The following ARB2A variants were observed in gnomAD, a reference collection of about 807,000 sequenced individuals.
ARB2A encodes cotranscriptional regulator ARB2A.
the ARB2A span, chr5:93,740,997 C>G: frequency 6.2e-7 from 1 of 1,613,858 alleles, no homozygotes; most frequent in Non-Finnish European, 8.5e-7. Flanking sequence ...CTTCCACTTC[C>G]TTCAGCCACT....
At chr5:94,083,811 A>T in the ARB2A span, among the ~76,000 whole-genome samples, 1 of 151,972 alleles carries the variant, frequency 6.6e-6, no homozygotes, top group African/African-American at 2.4e-5. Context: ...AGAATCAAAA[A>T]ACAAGGTCCT....
chr5:93,656,247 AT>A, the ARB2A span, among the ~76,000 whole-genome samples: 1 of 152,200 alleles, frequency 6.6e-6, no homozygotes, highest in African/African-American at 2.4e-5. Flanking sequence ...GTTATGAAAA[AT>A]TTTAAAATTT....
the ARB2A span, among the ~76,000 whole-genome samples, chr5:94,071,224 CTAATA>C: frequency 6.6e-6 from 1 of 151,928 alleles, no homozygotes; most frequent in Non-Finnish European, 1.5e-5. Flanking sequence ...ACGAAACCTA[CTAATA>C]TATGTTTAAA....
At chr5:93,988,235 G>T in the ARB2A span, among the ~76,000 whole-genome samples, 55 of 152,232 alleles carry the variant, frequency 3.6e-4, no homozygotes, top group African/African-American at 1.3e-3. Context: ...CTTAGCAGAT[G>T]TATTACTCCT....
the ARB2A span, chr5:93,682,739 G>C: frequency 1.4e-6 from 1 of 717,794 alleles, no homozygotes; most frequent in Non-Finnish European, 2.5e-6. Context: ...GGTAGAGAAA[G>C]TTCTCACTCT....
chr5:93,821,528 C>A, the ARB2A span, among the ~76,000 whole-genome samples: 1 of 152,006 alleles, frequency 6.6e-6, no homozygotes, highest in Admixed American at 6.5e-5. Context: ...ACAATTCATA[C>A]AATACAGTTA....
chr5:93,682,037 A>G, the ARB2A span, among the ~76,000 whole-genome samples: 1 of 152,174 alleles, frequency 6.6e-6, no homozygotes, highest in Non-Finnish European at 1.5e-5. Flanking sequence ...TCTTCATTTA[A>G]ATTCTCTTAA....
the ARB2A span, among the ~76,000 whole-genome samples, chr5:94,071,482 AC>A: frequency 6.6e-6 from 1 of 152,120 alleles, no homozygotes; most frequent in Non-Finnish European, 1.5e-5. Flanking sequence ...GAAAATATTC[AC>A]AAAGAATATA....
At chr5:93,915,290 G>A in the ARB2A span, among the ~76,000 whole-genome samples, 1 of 151,618 alleles carries the variant, frequency 6.6e-6, no homozygotes, top group Admixed American at 6.6e-5. Context: ...CCATCTTGTG[G>A]ACTCAAAAAT....
At chr5:93,792,011 T>C in the ARB2A span, among the ~76,000 whole-genome samples, 1 of 151,780 alleles carries the variant, frequency 6.6e-6, no homozygotes, top group Non-Finnish European at 1.5e-5. Context: ...CTCTACAAAA[T>C]ACGTGATGTG....
the ARB2A span, among the ~76,000 whole-genome samples, chr5:93,624,819 C>G: frequency 2.4e-4 from 36 of 152,194 alleles, no homozygotes; most frequent in African/African-American, 7.9e-4. Flanking sequence ...TGTTCAGCAG[C>G]TATTCATGTA....
the ARB2A span, among the ~76,000 whole-genome samples, chr5:93,871,577 C>T: frequency 1.3e-5 from 2 of 152,100 alleles, no homozygotes; most frequent in Admixed American, 6.6e-5. Context: ...ATGAAGACAA[C>T]ATATTATAAG....
At chr5:93,718,869 C>T in the ARB2A span, among the ~76,000 whole-genome samples, 1 of 152,000 alleles carries the variant, frequency 6.6e-6, no homozygotes, top group African/African-American at 2.4e-5. Context: ...TTTGGTAGTA[C>T]CTCTTTCTAT....
the ARB2A span, among the ~76,000 whole-genome samples, chr5:94,030,936 T>G: frequency 6.6e-6 from 1 of 152,174 alleles, no homozygotes; most frequent in Non-Finnish European, 1.5e-5. Flanking sequence ...TACAAGGCCC[T>G]CAACAGAAGC....
At chr5:93,826,286 T>G in the ARB2A span, among the ~76,000 whole-genome samples, 5 of 152,246 alleles carry the variant, frequency 3.3e-5, no homozygotes, top group Admixed American at 3.3e-4. Flanking sequence ...TTCCTAAGAA[T>G]GTCATGGATA....
At chr5:93,776,032 C>T in the ARB2A span, 5 of 749,930 alleles carry the variant, frequency 6.7e-6, no homozygotes, top group African/African-American at 3.5e-5. Flanking sequence ...CATAACATTA[C>T]CAATAATTCA....
At chr5:93,937,034 G>A in the ARB2A span, among the ~76,000 whole-genome samples, 239 of 148,836 alleles carry the variant, frequency 1.6e-3, 1 homozygote, top group African/African-American at 5.4e-3. Context: ...TCCGCCTCCC[G>A]GGTTAATTTT....
chr5:94,012,938 A>AT, the ARB2A span, among the ~76,000 whole-genome samples: 1 of 152,246 alleles, frequency 6.6e-6, no homozygotes, highest in African/African-American at 2.4e-5. Context: ...ATTAGCAGTG[A>AT]TTGGTAGAAA....
the ARB2A span, among the ~76,000 whole-genome samples, chr5:93,867,469 G>A: frequency 2.6e-5 from 4 of 152,046 alleles, no homozygotes; most frequent in African/African-American, 2.4e-5. Context: ...CCAGGCTGGA[G>A]TGCAGTGATG....
Sources: allele counts gnomAD v4.1 joint callset (sites outside exome capture counted in the v4.1 genomes callset), GRCh38; gene constraint gnomAD v4.1.1; transcripts MANE v1.5; gene names NCBI Gene and HGNC (gene_info 2026-07-23, HGNC 2026-07-21).